Variants in ZNF331 observed in about 807,000 individuals in gnomAD.
ZNF331 encodes C2H2-like zinc finger protein rearranged in thyroid adenomas.
In ZNF331, 2 loss-of-function variants were observed where a neutral mutation model predicts 7.0. That is an observed-to-expected ratio of 0.29 (90% CI 0.12 to 0.90). The LOEUF (loss-of-function observed/expected upper bound fraction) is 0.90, where lower values mean the gene tolerates loss of function less well. ZNF331 is among the 40% of genes least tolerant of loss of function. The pLI is 0.58. For missense variants in ZNF331, 432 were observed against 587.7 expected (o/e 0.74, Z 2.74); for synonymous variants, 196 against 205.4 (o/e 0.95, Z 0.39).
In ZNF331 at chr19:53,571,860, T is replaced by G; in HGVS notation, c.136+130T>G. ...TGTCCCCAAGGAATGTATTGAGCCT[T>G]ATTGATGTGGCCGTGAGCACCACAA... is the stretch of plus-strand genomic sequence containing the variant. On this transcript the variant is annotated intron_variant, in intron 5 of 5. Transcript: ENST00000449416. This position sits in a 1 kb window ranked among gnomAD's most constrained non-coding sequence, Gnocchi z 4.7. 7.9e-7 allele frequency: 1 copy of G among 1,268,826 alleles called. No homozygotes were observed. The highest frequency in any genetic ancestry group is 1.7e-5 in the South Asian group (1 of 59,444). The allele number at this position is 1,268,826 out of a possible 1,614,324, so 78.6% of individuals were successfully genotyped here.
At chr19:53,514,652 C>CTTTT (rs67056894), upstream of ZNF331, among the ~76,000 whole-genome samples, 7,644 of 132,682 alleles carry the variant, frequency 0.058, 490 homozygotes, top group South Asian at 0.094. Context: ...AAGCCTTCTC[C>CTTTT]TTTTTTTTTT....
At chr19:53,513,521 G>A in the ZNF331 span, among the ~76,000 whole-genome samples, 10 of 151,886 alleles carry the variant, frequency 6.6e-5, no homozygotes, top group Non-Finnish European at 1.5e-4. Flanking sequence ...TTTTTCCTCC[G>A]CATCCTCACC....
At chr19:53,544,254 G>C (rs987049296) in intron 2 of ZNF331, among the ~76,000 whole-genome samples, 12 of 147,080 alleles carry the variant, frequency 8.2e-5, no homozygotes, top group African/African-American at 2.8e-4. Flanking sequence ...AATAAGAATC[G>C]ATATTATTAG....
the ZNF331 span, among the ~76,000 whole-genome samples, chr19:53,506,460 C>CTCTCTCTCTG: frequency 7.6e-6 from 1 of 131,390 alleles, no homozygotes; most frequent in Non-Finnish European, 1.6e-5. Flanking sequence ...CTCTCTCTCT[C>CTCTCTCTCTG]TCTCTCTCTC....
chr19:53,520,157 C>A (rs1437341785), upstream of ZNF331, among the ~76,000 whole-genome samples: 3 of 152,000 alleles, frequency 2.0e-5, no homozygotes, highest in Middle Eastern at 3.2e-3. Flanking sequence ...AAGCGATTCT[C>A]TTCCCTCAGC....
intron 2 of ZNF331, among the ~76,000 whole-genome samples, chr19:53,540,616 G>A (rs1408313553): frequency 1.3e-5 from 2 of 151,978 alleles, no homozygotes; most frequent in Non-Finnish European, 2.9e-5. Flanking sequence ...TATTTTTAGT[G>A]GAAACAGGGT....
chr19:53,554,106 C>A (rs574075119), intron 2 of ZNF331, among the ~76,000 whole-genome samples: 2 of 152,314 alleles, frequency 1.3e-5, no homozygotes, highest in South Asian at 4.1e-4. Flanking sequence ...TCCCGAAGCC[C>A]CTGTGTGTTT....
rs1270817493 is a variant in ZNF331 at position 53,560,066 on chromosome 19, A to G, written c.-74+4158A>G. 6.6e-6 allele frequency among the ~76,000 whole-genome samples: 1 copy of G among 151,380 alleles called. No homozygotes were observed. On this transcript the variant is annotated intron_variant, in intron 3 of 5. Transcript: ENST00000449416. This position sits in a 1 kb window ranked among gnomAD's most constrained non-coding sequence, Gnocchi z 4.3. ...TATATACATATACACACCTACATAT[A>G]CATACCATACACACACATATATACA... is the stretch of plus-strand genomic sequence containing the variant.
At chr19:53,529,174 G>A (rs943591337) in intron 2 of ZNF331, among the ~76,000 whole-genome samples, 4 of 152,072 alleles carry the variant, frequency 2.6e-5, no homozygotes, top group African/African-American at 9.7e-5. Context: ...AGCTGAGGCG[G>A]GTGGATCACG....
chr19:53,538,728 A>G (rs2087914208), intron 1 of ZNF331: 1 of 153,200 alleles, frequency 6.5e-6, no homozygotes, highest in Admixed American at 6.6e-5. Flanking sequence ...GTGTGACAAC[A>G]CAACCTGTAG....
chr19:53,537,633 A>G (rs754088626), upstream of ZNF331: 6 of 152,290 alleles, frequency 3.9e-5, no homozygotes, highest in Non-Finnish European at 7.3e-5. Flanking sequence ...CCCAGAGACC[A>G]TCCAGGAGTA....
intron 3 of ZNF331, among the ~76,000 whole-genome samples, chr19:53,566,962 CATGTGT>C (rs918381302): frequency 2.2e-4 from 34 of 151,850 alleles, no homozygotes; most frequent in Non-Finnish European, 4.1e-4. Context: ...CATATATATA[CATGTGT>C]ATGTGTATGT....
intron 3 of ZNF331, among the ~76,000 whole-genome samples, chr19:53,561,974 G>A (rs565532359): frequency 2.0e-5 from 3 of 151,442 alleles, no homozygotes; most frequent in South Asian, 2.1e-4. Context: ...ATGGTGAAAC[G>A]CCGTCTCTAC....
At chr19:53,519,358 G>A (rs1366536569), upstream of ZNF331, among the ~76,000 whole-genome samples, 1 of 152,114 alleles carries the variant, frequency 6.6e-6, no homozygotes, top group East Asian at 1.9e-4. Flanking sequence ...TGCAGACCTT[G>A]GTCAAAGTGA....
the ZNF331 span, among the ~76,000 whole-genome samples, chr19:53,507,265 T>G: frequency 1.3e-5 from 2 of 152,176 alleles, no homozygotes; most frequent in Non-Finnish European, 2.9e-5. Flanking sequence ...ATAGTCACGC[T>G]GATTTTGAAC....
chr19:53,545,317 A>G (rs919176953), intron 2 of ZNF331, among the ~76,000 whole-genome samples: 1 of 152,144 alleles, frequency 6.6e-6, no homozygotes, highest in Non-Finnish European at 1.5e-5. Flanking sequence ...ACACCCTGTG[A>G]CGTTAGTACT....
upstream of ZNF331, among the ~76,000 whole-genome samples, chr19:53,515,377 A>G (rs146660134): frequency 6.6e-4 from 100 of 152,312 alleles, no homozygotes; most frequent in African/African-American, 2.3e-3. Context: ...AACAAAGTGA[A>G]AAGTATCTAT....
chr19:53,574,082 C>G (rs1164129859), intron 5 of ZNF331, among the ~76,000 whole-genome samples: 1 of 152,050 alleles, frequency 6.6e-6, no homozygotes, highest in East Asian at 1.9e-4. Context: ...TGCCACTGCA[C>G]TCCAGCCTGG....
upstream of ZNF331, among the ~76,000 whole-genome samples, chr19:53,516,409 A>G (rs948804586): frequency 4.6e-5 from 7 of 151,000 alleles, no homozygotes; most frequent in Admixed American, 2.0e-4. Flanking sequence ...GAGATGGGCC[A>G]CTGCACTCTG....
Sources: allele counts gnomAD v4.1 joint callset (sites outside exome capture counted in the v4.1 genomes callset), GRCh38; gene constraint gnomAD v4.1.1; non-coding constraint Gnocchi (gnomAD v3.1); transcripts MANE v1.5; gene names NCBI Gene and HGNC (gene_info 2026-07-23, HGNC 2026-07-21).